Variants in SGCZ observed in about 807,000 individuals in gnomAD.
SGCZ encodes the protein sarcoglycan zeta, also known as zeta-sarcoglycan.
Under a neutral mutation model 41.3 loss-of-function variants are expected in SGCZ, and 40 were observed. The observed-to-expected ratio is 0.97, with a 90% CI of 0.75 to 1.26. SGCZ has a LOEUF of 1.26. SGCZ is among the 50% of genes most tolerant of loss of function. The probability of loss-of-function intolerance (pLI) is 0.00; values close to 1 mark genes in which losing one functional copy is unlikely to be tolerated. For missense variants in SGCZ, 552 were observed against 369.8 expected (o/e 1.49, Z -4.04); for synonymous variants, 206 against 137.5 (o/e 1.50, Z -3.49).
intron 1 of SGCZ, among the ~76,000 whole-genome samples, chr8:15,048,828 G>T (rs1445699467): frequency 1.3e-5 from 2 of 151,986 alleles, no homozygotes; most frequent in African/African-American, 4.8e-5. Context: ...CGTAAGAAAA[G>T]AGACTCTTCA....
chr8:14,954,241 C>A (rs1222885848), intron 1 of SGCZ, among the ~76,000 whole-genome samples: 1 of 152,030 alleles, frequency 6.6e-6, no homozygotes, highest in East Asian at 1.9e-4. Flanking sequence ...TTGCAAGGTA[C>A]AATACTACTA....
intron 5 of SGCZ, among the ~76,000 whole-genome samples, chr8:14,141,236 C>T (rs1803360019): frequency 6.6e-6 from 1 of 152,024 alleles, no homozygotes; most frequent in Non-Finnish European, 1.5e-5. Flanking sequence ...GAAACCTATA[C>T]CATTCAGGAC....
rs978547496 is a variant in SGCZ at position 14,087,747 on chromosome 8, G to A, written c.*2696C>T. On this transcript the variant is annotated 3_prime_UTR_variant, in exon 8 of 8. Transcript: ENST00000382080. ...AAAAAATGCTTTTTTGTGTTTGAATGTGGAAAACGAGGACATTTGGGGCCA... is the reference window on the plus strand; with the variant it reads ...AAAAAATGCTTTTTTGTGTTTGAATATGGAAAACGAGGACATTTGGGGCCA... Among the ~76,000 whole-genome samples the A allele has an allele frequency of 6.6e-6, 1 of 151,366 alleles. No individual in the cohort carries two copies. The highest frequency in any genetic ancestry group is 1.5e-5 in the Non-Finnish European group (1 of 67,702).
chr8:14,355,872 G>T (rs1234296647), intron 2 of SGCZ, among the ~76,000 whole-genome samples: 1 of 152,034 alleles, frequency 6.6e-6, no homozygotes, highest in Non-Finnish European at 1.5e-5. Context: ...ATCTAAGAAG[G>T]TCTGTGAGTT....
intron 1 of SGCZ, among the ~76,000 whole-genome samples, chr8:15,025,450 C>A (rs1803420208): frequency 6.6e-6 from 1 of 152,232 alleles, no homozygotes; most frequent in South Asian, 2.1e-4. Context: ...CTGCCTCAGG[C>A]AGATTTTTCT....
intron 2 of SGCZ, among the ~76,000 whole-genome samples, chr8:14,493,790 A>C (rs1051272366): frequency 2.0e-5 from 3 of 152,138 alleles, no homozygotes; most frequent in Admixed American, 2.0e-4. Flanking sequence ...AGTGGCTTTC[A>C]TAACAGTGTG....
intron 4 of SGCZ, among the ~76,000 whole-genome samples, chr8:14,166,490 G>T (rs145258371): frequency 6.6e-6 from 1 of 152,138 alleles, no homozygotes; most frequent in African/African-American, 2.4e-5. Context: ...TTACTCTGAG[G>T]GACCCAGGCA....
At chr8:14,345,245 G>C (rs1440724943) in intron 2 of SGCZ, among the ~76,000 whole-genome samples, 2 of 152,108 alleles carry the variant, frequency 1.3e-5, no homozygotes, top group Admixed American at 6.6e-5. Context: ...ACATCCATTA[G>C]AGTCAGAAAT....
At chr8:14,661,514 C>T (rs1807749952) in intron 1 of SGCZ, among the ~76,000 whole-genome samples, 1 of 152,148 alleles carries the variant, frequency 6.6e-6, no homozygotes, top group African/African-American at 2.4e-5. Flanking sequence ...CAGCACCAAT[C>T]AAACATTGAG....
At chr8:14,206,709 T>A (rs1805627405) in intron 4 of SGCZ, among the ~76,000 whole-genome samples, 2 of 152,270 alleles carry the variant, frequency 1.3e-5, no homozygotes, top group East Asian at 3.9e-4. Flanking sequence ...CCCTACTGTA[T>A]CCTGCTATAA....
At chr8:14,911,841 T>C (rs1000736033) in intron 1 of SGCZ, among the ~76,000 whole-genome samples, 1 of 151,868 alleles carries the variant, frequency 6.6e-6, no homozygotes, top group Non-Finnish European at 1.5e-5. Flanking sequence ...TATCTCTACA[T>C]GGAAATTCAA....
At chr8:14,154,284 G>A (rs772150573) in intron 5 of SGCZ, among the ~76,000 whole-genome samples, 7 of 152,084 alleles carry the variant, frequency 4.6e-5, no homozygotes, top group Non-Finnish European at 7.4e-5. Flanking sequence ...CAGGAGAATG[G>A]CATGAACCCA....
intron 1 of SGCZ, among the ~76,000 whole-genome samples, chr8:15,059,215 TA>T (rs1804827389): frequency 6.6e-6 from 1 of 152,160 alleles, no homozygotes; most frequent in African/African-American, 2.4e-5. Context: ...AAAATATTTT[TA>T]TTGCCTTCCT....
At chr8:14,320,760 G>A (rs1193706736) in intron 3 of SGCZ, among the ~76,000 whole-genome samples, 1 of 151,996 alleles carries the variant, frequency 6.6e-6, no homozygotes, top group Non-Finnish European at 1.5e-5. Flanking sequence ...ACCACTTCCA[G>A]TCTGTCATGT....
chr8:14,827,339 C>T (rs1233459517), intron 1 of SGCZ, among the ~76,000 whole-genome samples: 31 of 150,534 alleles, frequency 2.1e-4, no homozygotes, highest in Admixed American at 1.9e-3. Context: ...CAGGTTCAAG[C>T]GATTCTTCTG....
intron 1 of SGCZ, among the ~76,000 whole-genome samples, chr8:15,096,246 T>G (rs1378946590): frequency 6.6e-6 from 1 of 151,428 alleles, no homozygotes; most frequent in Non-Finnish European, 1.5e-5. Context: ...CCAGCTAACT[T>G]TTGGTAATTT....
At chr8:14,804,702 A>T in intron 1 of SGCZ, among the ~76,000 whole-genome samples, 1 of 122,942 alleles carries the variant, frequency 8.1e-6, no homozygotes, top group Non-Finnish European at 1.8e-5. Flanking sequence ...AGGCAGGCCA[A>T]CGTTCAGATG....
intron 1 of SGCZ, among the ~76,000 whole-genome samples, chr8:14,646,577 T>C (rs779814654): frequency 6.6e-5 from 10 of 151,902 alleles, no homozygotes; most frequent in Non-Finnish European, 1.0e-4. Context: ...ATACATCCGG[T>C]AATAGTTTTG....
intron 1 of SGCZ, among the ~76,000 whole-genome samples, chr8:14,683,239 C>T (rs1808504512): frequency 6.6e-6 from 1 of 152,008 alleles, no homozygotes; most frequent in Non-Finnish European, 1.5e-5. Context: ...ACAATAAATG[C>T]TTACGATTAC....
Sources: allele counts gnomAD v4.1 joint callset (sites outside exome capture counted in the v4.1 genomes callset), GRCh38; gene constraint gnomAD v4.1.1; transcripts MANE v1.5; gene names NCBI Gene and HGNC (gene_info 2026-07-23, HGNC 2026-07-21).